Variants in ARHGEF9 observed in about 807,000 individuals in gnomAD.
ARHGEF9 encodes the protein Cdc42 guanine nucleotide exchange factor 9.
In ARHGEF9, 2 loss-of-function variants were observed where a neutral mutation model predicts 41.3. That is an observed-to-expected ratio of 0.05 (90% CI 0.02 to 0.15). The LOEUF (loss-of-function observed/expected upper bound fraction) is 0.15, where lower values mean the gene tolerates loss of function less well. Among genes scored for constraint, ARHGEF9 ranks in the 10% least tolerant of loss-of-function variants. The pLI is 1.00. For synonymous variants in ARHGEF9, 160 were observed against 154.4 expected, an observed-to-expected ratio of 1.04 and a Z score of -0.27; for missense variants, 225 against 424.7, an observed-to-expected ratio of 0.53 and a Z score of 4.13.
At chrX:63,781,690 A>G (rs2056383940) in intron 1 of ARHGEF9, among the ~76,000 whole-genome samples, 1 of 111,935 alleles carries the variant, frequency 8.9e-6, no homozygotes, top group Non-Finnish European at 1.9e-5. Context: ...TCCCACTACA[A>G]TTTAGCCTCC....
intron 4 of ARHGEF9, among the ~76,000 whole-genome samples, chrX:63,681,839 A>C (rs2050642868): frequency 9.0e-6 from 1 of 111,525 alleles, no homozygotes; most frequent in Admixed American, 9.5e-5. Flanking sequence ...AGAAATGAAC[A>C]TGAAGATATT....
chrX:63,675,548 G>A (rs782464807), intron 5 of ARHGEF9, among the ~76,000 whole-genome samples: 1 of 112,074 alleles, frequency 8.9e-6, no homozygotes, highest in South Asian at 3.7e-4. Flanking sequence ...GAAAAGTATA[G>A]TTTATTGAAG....
intron 8 of ARHGEF9, among the ~76,000 whole-genome samples, chrX:63,649,688 A>G (rs1403228742): frequency 4.5e-5 from 5 of 109,996 alleles, no homozygotes; most frequent in African/African-American, 1.3e-4. Flanking sequence ...TTGATAGACC[A>G]CTAGCAAGAC....
At chrX:63,776,361 T>C (rs183743064) in intron 1 of ARHGEF9, among the ~76,000 whole-genome samples, 57 of 111,819 alleles carry the variant, frequency 5.1e-4, no homozygotes, top group African/African-American at 1.8e-3. Flanking sequence ...ACTCTGCTTT[T>C]GTATCACAAA....
At chrX:63,704,270 A>C (rs1356075299) in intron 3 of ARHGEF9, among the ~76,000 whole-genome samples, 1 of 112,543 alleles carries the variant, frequency 8.9e-6, no homozygotes, top group Non-Finnish European at 1.9e-5. Flanking sequence ...CTCAAACTTT[A>C]ATATGTATTA....
At chrX:63,709,422 C>T (rs2052766113) in intron 2 of ARHGEF9, among the ~76,000 whole-genome samples, 3 of 112,425 alleles carry the variant, frequency 2.7e-5, no homozygotes, top group Admixed American at 9.4e-5. Flanking sequence ...TTCTAAACCA[C>T]GGAGTGCTTT....
chrX:63,680,187 A>C (rs191688171), intron 4 of ARHGEF9, among the ~76,000 whole-genome samples: 23 of 112,653 alleles, frequency 2.0e-4, no homozygotes, highest in Admixed American at 6.6e-4. Flanking sequence ...TCAGCAAACA[A>C]CAACAATTTG....
chrX:63,636,596 T>C lies in ARHGEF9; in HGVS notation c.*1432A>G. On this transcript the variant is annotated 3_prime_UTR_variant, in exon 10 of 10. Transcript: ENST00000671741. Reference sequence around the variant, plus strand: ...TTGAGTGCCAGAACAGCTTTAACTATATCAATACCAAAAATCCTCCTGTGC... The same window carrying C: ...TTGAGTGCCAGAACAGCTTTAACTACATCAATACCAAAAATCCTCCTGTGC... 4.5e-6 allele frequency: 1 copy of C among 221,180 alleles called. No individual in the cohort carries two copies. The highest frequency in any genetic ancestry group is 8.2e-6 in the Non-Finnish European group (1 of 122,547). The allele number at this position is 221,180 out of a possible 1,213,427, so 18.2% of individuals were successfully genotyped here.
chrX:63,692,116 C>T (rs2051394551), intron 4 of ARHGEF9, among the ~76,000 whole-genome samples: 1 of 111,768 alleles, frequency 8.9e-6, no homozygotes, highest in African/African-American at 3.2e-5. Flanking sequence ...GAATAAAACA[C>T]TGGAAAAATG....
chrX:63,773,206 G>A (rs2056233048), intron 1 of ARHGEF9, among the ~76,000 whole-genome samples: 1 of 111,968 alleles, frequency 8.9e-6, no homozygotes, highest in Non-Finnish European at 1.9e-5. Context: ...AACTTTAAAA[G>A]CAATGATATC....
At chrX:63,702,856 C>T (rs1406623575) in intron 3 of ARHGEF9, among the ~76,000 whole-genome samples, 1 of 111,777 alleles carries the variant, frequency 8.9e-6, no homozygotes, top group African/African-American at 3.3e-5. Flanking sequence ...AAAGTAAGAG[C>T]CAAACAGAAC....
At chrX:63,700,717 G>A (rs1355479287) in intron 3 of ARHGEF9, among the ~76,000 whole-genome samples, 2 of 110,793 alleles carry the variant, frequency 1.8e-5, no homozygotes, top group African/African-American at 6.6e-5. Context: ...GCAACATCAT[G>A]AAGAATGATG....
chrX:63,706,572 T>G, intron 2 of ARHGEF9, 123 bp from the exon 3 acceptor site: 2 of 848,418 alleles, frequency 2.4e-6, no homozygotes, highest in Non-Finnish European at 3.3e-6. Context: ...CAGAGACCTG[T>G]GCAAGTAGAA....
chrX:63,643,947 G>T (rs1602178892), intron 9 of ARHGEF9, 33 bp downstream of exon 9: 4 of 1,182,707 alleles, frequency 3.4e-6, no homozygotes, highest in Non-Finnish European at 4.6e-6. Context: ...TGATTCCATA[G>T]TCTTTCACAG....
intron 8 of ARHGEF9, 25 bp from the exon 9 acceptor site, chrX:63,644,073 T>C (rs1556309667): frequency 8.6e-7 from 1 of 1,156,259 alleles, no homozygotes. Context: ...TATATGATTT[T>C]TTAAATGAGA....
intron 8 of ARHGEF9, among the ~76,000 whole-genome samples, chrX:63,647,675 T>A (rs2048211230): frequency 9.0e-6 from 1 of 111,477 alleles, no homozygotes; most frequent in Non-Finnish European, 1.9e-5. Flanking sequence ...TCATCAGGGA[T>A]ATTGGTCTAA....
intron 3 of ARHGEF9, among the ~76,000 whole-genome samples, chrX:63,701,027 T>A (rs1247038968): frequency 8.9e-6 from 1 of 112,035 alleles, no homozygotes; most frequent in Non-Finnish European, 1.9e-5. Flanking sequence ...GGCATTGTTA[T>A]GGTAACAGCA....
chrX:63,783,273 ATT>A (rs782452167), intron 1 of ARHGEF9, among the ~76,000 whole-genome samples: 13 of 96,436 alleles, frequency 1.3e-4, no homozygotes, highest in Non-Finnish European at 6.3e-5. Context: ...TTTTCGGGTA[ATT>A]TTTTTTTTTT....
At chrX:63,666,061 T>C in intron 6 of ARHGEF9, 44 bp from the exon 7 acceptor site, 1 of 1,206,761 alleles carries the variant, frequency 8.3e-7, no homozygotes, top group Non-Finnish European at 1.1e-6. Flanking sequence ...GGCAGAAGGA[T>C]GGCACCATCA....
Sources: allele counts gnomAD v4.1 joint callset (sites outside exome capture counted in the v4.1 genomes callset), GRCh38; gene constraint gnomAD v4.1.1; transcripts MANE v1.5; gene names NCBI Gene and HGNC (gene_info 2026-07-23, HGNC 2026-07-21).